The following CDH10 variants were observed in gnomAD, a reference collection of about 807,000 sequenced individuals.
CDH10 encodes cadherin 10.
In CDH10, 30 loss-of-function variants were observed where a neutral mutation model predicts 73.1. The ratio of observed to expected loss-of-function variants is 0.41; its 90% CI spans 0.31 to 0.56. CDH10 has a LOEUF of 0.56. Ranked by LOEUF, CDH10 falls within the 20% of genes least tolerant of loss-of-function variation. The pLI is 0.27. For synonymous variants in CDH10, 345 were observed against 348.2 expected, an observed-to-expected ratio of 0.99 and a Z score of 0.10; for missense variants, 815 against 973.7, an observed-to-expected ratio of 0.84 and a Z score of 2.17.
chr5:24,644,425 T>C, intron 1 of CDH10, among the ~76,000 whole-genome samples, 169 bp downstream of exon 1: 1 of 152,174 alleles, frequency 6.6e-6, no homozygotes, highest in East Asian at 1.9e-4. Flanking sequence ...TAGAATTAAA[T>C]ATATAGAGTT....
intron 11 of CDH10, among the ~76,000 whole-genome samples, chr5:24,490,685 C>A (rs1000876966): frequency 6.6e-6 from 1 of 151,916 alleles, no homozygotes; most frequent in Non-Finnish European, 1.5e-5. Flanking sequence ...TTGTTGCAGG[C>A]CTTAACTTCA....
intron 2 of CDH10, among the ~76,000 whole-genome samples, chr5:24,551,089 G>T (rs1354874771): frequency 1.3e-5 from 2 of 152,068 alleles, no homozygotes; most frequent in African/African-American, 4.8e-5. Context: ...TCCATATGAT[G>T]TAAGCTCCTG....
intron 2 of CDH10, among the ~76,000 whole-genome samples, chr5:24,549,127 G>A (rs906115602): frequency 3.3e-5 from 5 of 151,986 alleles, no homozygotes; most frequent in South Asian, 4.2e-4. Context: ...AGGTGAAGTC[G>A]TATATATAGA....
At chr5:24,497,989 A>G (rs3822429) in intron 9 of CDH10, among the ~76,000 whole-genome samples, 66,019 of 152,124 alleles carry the variant, frequency 0.43, 15,602 homozygotes, top group Non-Finnish European at 0.54. Context: ...AAGTGATTAA[A>G]TATTCTGCTG....
chr5:24,617,027 T>C (rs966129972), intron 1 of CDH10, among the ~76,000 whole-genome samples: 4 of 152,156 alleles, frequency 2.6e-5, no homozygotes, highest in Non-Finnish European at 5.9e-5. Context: ...TTTGCATCAG[T>C]TATTACGAAA....
intron 1 of CDH10, among the ~76,000 whole-genome samples, chr5:24,617,586 TA>T (rs1747168723): frequency 6.6e-6 from 1 of 152,190 alleles, no homozygotes; most frequent in Admixed American, 6.5e-5. Flanking sequence ...TACTATTTTT[TA>T]AAAAGCTCTA....
intron 8 of CDH10, among the ~76,000 whole-genome samples, chr5:24,500,943 T>C (rs1416148528): frequency 6.6e-6 from 1 of 151,948 alleles, no homozygotes; most frequent in African/African-American, 2.4e-5. Flanking sequence ...AGGAGAAAAA[T>C]GCTATCTCAT....
intron 2 of CDH10, among the ~76,000 whole-genome samples, chr5:24,571,268 A>T (rs561872783): frequency 6.6e-6 from 1 of 152,222 alleles, no homozygotes; most frequent in Non-Finnish European, 1.5e-5. Flanking sequence ...GATTGTAGAG[A>T]TAAAGGGCAA....
chr5:24,615,922 C>T (rs1192116339), intron 1 of CDH10, among the ~76,000 whole-genome samples: 1 of 152,104 alleles, frequency 6.6e-6, no homozygotes, highest in Non-Finnish European at 1.5e-5. Flanking sequence ...AAGTTGTGAG[C>T]CTGACCATAG....
chr5:24,638,622 A>G (rs1269394600), intron 1 of CDH10, among the ~76,000 whole-genome samples: 1 of 151,868 alleles, frequency 6.6e-6, no homozygotes, highest in African/African-American at 2.4e-5. Context: ...AAATGCAGGC[A>G]GAATAAATCT....
chr5:24,611,508 TA>T (rs1163827134), intron 1 of CDH10, among the ~76,000 whole-genome samples: 1 of 152,176 alleles, frequency 6.6e-6, no homozygotes, highest in Non-Finnish European at 1.5e-5. Context: ...TCATAACTTG[TA>T]AAATATCGAA....
intron 5 of CDH10, among the ~76,000 whole-genome samples, chr5:24,522,145 AAAAC>A (rs1407237857): frequency 8.0e-6 from 1 of 124,934 alleles, no homozygotes; most frequent in Non-Finnish European, 1.8e-5. Flanking sequence ...AACAAACCAA[AAAAC>A]AAACAAAACA....
intron 5 of CDH10, among the ~76,000 whole-genome samples, chr5:24,521,244 G>A: frequency 6.6e-6 from 1 of 152,130 alleles, no homozygotes; most frequent in Middle Eastern, 3.2e-3. Context: ...CGCTAAATAT[G>A]TTTAAAGAAG....
intron 1 of CDH10, among the ~76,000 whole-genome samples, chr5:24,611,378 T>A (rs765947241): frequency 3.3e-5 from 5 of 151,990 alleles, no homozygotes; most frequent in Admixed American, 6.6e-5. Context: ...CACCAAGAGT[T>A]TGAGACCAGC....
intron 9 of CDH10, among the ~76,000 whole-genome samples, chr5:24,493,920 C>G (rs191969853): frequency 6.6e-6 from 1 of 151,836 alleles, no homozygotes; most frequent in East Asian, 1.9e-4. Context: ...TGTCAAAAAT[C>G]ACAAGAAATA....
At chr5:24,578,483 C>T in intron 2 of CDH10, 1 of 362,618 alleles carries the variant, frequency 2.8e-6, no homozygotes, top group Non-Finnish European at 5.6e-6. Flanking sequence ...TTCAGAATCA[C>T]TGGATTCACC....
At chr5:24,563,068 G>C (rs1258090566) in intron 2 of CDH10, among the ~76,000 whole-genome samples, 3 of 152,230 alleles carry the variant, frequency 2.0e-5, no homozygotes, top group East Asian at 3.9e-4. Context: ...TTCACCAGTT[G>C]TTCCAATAAT....
At chr5:24,586,037 C>T (rs1319464515) in intron 2 of CDH10, among the ~76,000 whole-genome samples, 1 of 152,142 alleles carries the variant, frequency 6.6e-6, no homozygotes, top group Non-Finnish European at 1.5e-5. Flanking sequence ...AATGACACCA[C>T]TGAATGCTGA....
At chr5:24,565,727 G>C (rs574126355) in intron 2 of CDH10, among the ~76,000 whole-genome samples, 1 of 151,946 alleles carries the variant, frequency 6.6e-6, no homozygotes. Flanking sequence ...ACAAGACAGG[G>C]AGAACTCTCG....
Sources: allele counts gnomAD v4.1 joint callset (sites outside exome capture counted in the v4.1 genomes callset), GRCh38; gene constraint gnomAD v4.1.1; transcripts MANE v1.5; gene names NCBI Gene and HGNC (gene_info 2026-07-23, HGNC 2026-07-21).